The following CLCNKB variants were observed in gnomAD, a reference collection of about 807,000 sequenced individuals.
The protein encoded by CLCNKB is chloride channel protein ClC-Kb.
A neutral mutation model predicts 83.8 loss-of-function variants in CLCNKB; 74 were observed. The observed-to-expected ratio is 0.88, with a 90% CI of 0.73 to 1.07. The LOEUF is 1.07. Among genes scored for constraint, CLCNKB ranks in the 50% least tolerant of loss-of-function variants. The probability of loss-of-function intolerance (pLI) is 0.00; values close to 1 mark genes in which losing one functional copy is unlikely to be tolerated. For missense variants in CLCNKB, 798 were observed against 893.6 expected (o/e 0.89, Z 1.36); for synonymous variants, 358 against 356.6 (o/e 1.00, Z -0.04).
chr1:16,050,737 G>C (rs935036505), intron 11 of CLCNKB, 137 bp downstream of exon 11: 7 of 1,488,612 alleles, frequency 4.7e-6, no homozygotes, highest in Middle Eastern at 1.7e-4. Flanking sequence ...CTACAGCTTC[G>C]GGAGGTCAGA....
In CLCNKB at chr1:16,049,621, C is replaced by T; in HGVS notation, c.785C>T (p.Thr262Ile). The T allele has an allele frequency of 1.2e-6, 2 of 1,602,954 alleles. No individual in the cohort carries two copies. Among genetic ancestry groups the T allele is most frequent in the Non-Finnish European group, 1.7e-6 (2 of 1,172,946 alleles). The stretch of plus-strand genomic sequence containing the variant: ...CCCCACTGCCCTCCTTCCCCAGAGA[C>T]CATCACCTCCCTCTACAAGACCAGT... ...LLAVFNSEQE[T>I]ITSLYKTSFR... The change falls in exon 9 of 20, where the codon ACC (threonine) becomes ATC (isoleucine). Residue 262 changes from threonine (T) to isoleucine (I), a missense_variant. Transcript: ENST00000375679.
At position 16,057,089 on chromosome 1, in the gene CLCNKB, G is replaced by T; in HGVS notation, c.*173G>T. ...AGAAGAGGATGGCTCATCCTGGGTG[G>T]GACGATGGCTCCTGCCTTGAAAGAC... On this transcript the variant is annotated 3_prime_UTR_variant, in exon 20 of 20. Transcript: ENST00000375679. The T allele has an allele frequency of 1.4e-6, 1 of 715,936 alleles. No individual in the cohort carries two copies. Among genetic ancestry groups the T allele is most frequent in the Non-Finnish European group, 2.6e-6 (1 of 391,318 alleles). The allele number at this position is 715,936 out of a possible 1,614,324, so 44.3% of individuals were successfully genotyped here. A position where few individuals can be genotyped will look rare whatever the true frequency, so the allele number is the denominator to read the frequency against.
chr1:16,048,601 C>A lies in CLCNKB; in HGVS notation c.655+19C>A. On this transcript the variant is annotated intron_variant, in intron 7 of 19. Coordinates refer to ENST00000375679, the MANE Select transcript of CLCNKB (RefSeq NM_000085.5). ...TTCAGCGGTGAGACCCCTTCATGCC[C>A]CGCCCCCTGGGTCCCTCAAGCTCCT... 1 of 1,612,882 alleles carries A rather than the reference C, an allele frequency of 6.2e-7. No individual in the cohort carries two copies. Among genetic ancestry groups the A allele is most frequent in the Non-Finnish European group, 8.5e-7 (1 of 1,179,410 alleles).
chr1:16,053,799 T>C (rs1338790212), intron 16 of CLCNKB, 27 bp downstream of exon 16: 6 of 1,613,260 alleles, frequency 3.7e-6, no homozygotes, highest in Middle Eastern at 1.7e-4. Context: ...GAGGAGGAAG[T>C]CGGGGGTAGG....
At chr1:16,044,619 C>A in intron 2 of CLCNKB, 27 bp downstream of exon 2, 4 of 1,540,940 alleles carry the variant, frequency 2.6e-6, no homozygotes, top group Non-Finnish European at 3.5e-6. Context: ...CTTCCCTTCC[C>A]CCTGGAGGAC....
At position 16,056,913 on chromosome 1, in the gene CLCNKB, G is replaced by C; in HGVS notation, c.2061G>C (p.Lys687Asn). The C allele has an allele frequency of 6.3e-7, 1 of 1,589,126 alleles. No individual in the cohort carries two copies. Among genetic ancestry groups the C allele is most frequent in the Non-Finnish European group, 8.6e-7 (1 of 1,168,478 alleles). ...ACCTGACAAATCCGCCAGCCCCAAAGTGAGCCGGCCCAGCAAGATGAAACA... is the reference window on the plus strand; with the variant it reads ...ACCTGACAAATCCGCCAGCCCCAAACTGAGCCGGCCCAGCAAGATGAAACA... ...ISNLTNPPAP[K>N] The change falls in exon 20 of 20, where the codon AAG becomes AAC. Residue 687 changes from lysine to asparagine, a missense_variant. By Grantham distance (94) the Lys-to-Asn change is moderately conservative (BLOSUM62 0). Transcript: ENST00000375679.
intron 13 of CLCNKB, 37 bp from the exon 14 acceptor site, chr1:16,051,673 T>G (rs747256195): frequency 3.1e-6 from 5 of 1,604,724 alleles, no homozygotes; most frequent in Non-Finnish European, 4.3e-6. Context: ...GGGGGCCGGG[T>G]CAGCCTGGCT....
In CLCNKB at chr1:16,052,279, A is replaced by G. The variant is rs764203832; in HGVS notation, c.1490A>G (p.His497Arg). 26 of 1,613,218 alleles carry G rather than the reference A, an allele frequency of 1.6e-5. No homozygotes were observed. The highest frequency in any genetic ancestry group is 1.9e-5 in the Non-Finnish European group (23 of 1,180,052). ...TTCGAGGTGACCGGCCAGATAGTGC[A>G]TGCACTGCCCGTGCTGATGGCGGTG... ...LAFEVTGQIV[H>R]ALPVLMAVLA... Residue 497 changes from histidine (H) to arginine (R), a missense_variant, in exon 15 of 20, where the codon CAT (histidine) becomes CGT (arginine). Physicochemically the swap from His to Arg is conservative, Grantham distance 29. Transcript: ENST00000375679.
In CLCNKB at chr1:16,049,952, G is replaced by A. The variant is rs111245746; in HGVS notation, c.968+36G>A. On this transcript the variant is annotated intron_variant, in intron 10 of 19. Transcript: ENST00000375679. ...GGCTAAGGGCTGGGGACCTCTCAGC[G>A]AGCTCCCCCCTCACCGTACTCCCAA... 10,802 of 1,181,668 alleles carry A rather than the reference G, an allele frequency of 9.1e-3. 676 individuals carry two copies. The African/African-American group carries it at 0.17, about 18-fold the overall frequency. 73.2% of individuals were successfully genotyped at this position (1,181,668 alleles called of 1,614,324 possible).
rs551946850 is a variant in CLCNKB, at chr1:16,045,591, G to A, written c.134G>A (p.Arg45His). The A allele has an allele frequency of 2.1e-5, 34 of 1,613,866 alleles. No individual in the cohort carries two copies. The East Asian group carries it at 2.2e-4, about 11-fold the overall frequency. ...GLEWLKQKLF[R>H]LGEDWYFLMT... ...GAGTGGCTGAAGCAGAAGCTCTTCC[G>A]CCTGGGCGAGGACTGGTACTTCCTG... Residue 45 changes from arginine to histidine, a missense_variant, in exon 3 of 20, where the codon CGC becomes CAC. Transcript: ENST00000375679.
intron 10 of CLCNKB, 76 bp downstream of exon 10, chr1:16,049,992 C>T (rs1485899912): frequency 2.4e-6 from 3 of 1,275,250 alleles, no homozygotes; most frequent in Admixed American, 3.4e-5. Context: ...ATGTAGAAAG[C>T]TCTACCCGCC....
Position 16,050,946 on chromosome 1 carries a change from C to A in CLCNKB, c.1125C>A (p.Ser375Arg), listed in dbSNP as rs777345240. Reference protein sequence around the residue: ...HSWALMTQNSSPPWPEELDPQ... With the variant: ...HSWALMTQNSRPPWPEELDPQ... ...GGGCGCTGATGACCCAGAACTCCAGCCCACCCTGGCCCGAGGAGCTCGACC... is the reference window on the plus strand; with the variant it reads ...GGGCGCTGATGACCCAGAACTCCAGACCACCCTGGCCCGAGGAGCTCGACC... Residue 375 changes from serine to arginine, a missense_variant, in exon 12 of 20, where the codon AGC (serine) becomes AGA (arginine). By Grantham distance (110) the Ser-to-Arg change is moderately radical. Coordinates refer to ENST00000375679, the MANE Select transcript of CLCNKB (RefSeq NM_000085.5). 6.2e-7 allele frequency: 1 copy of A among 1,613,598 alleles called. No individual in the cohort carries two copies. Among genetic ancestry groups the A allele is most frequent in the Non-Finnish European group, 8.5e-7 (1 of 1,179,940 alleles).
intron 18 of CLCNKB, among the ~76,000 whole-genome samples, chr1:16,056,143 G>A (rs1242839565): frequency 1.3e-5 from 2 of 152,222 alleles, no homozygotes; most frequent in African/African-American, 4.8e-5. Flanking sequence ...GGGTTGGGGA[G>A]GGGCAGAGGC....
chr1:16,050,570 A>G lies in CLCNKB; in HGVS notation c.1023A>G (p.Pro341=), dbSNP rs1239122402. 2 of 1,613,056 alleles carry G rather than the reference A, an allele frequency of 1.2e-6. No individual in the cohort carries two copies. Among genetic ancestry groups the G allele is most frequent in the Non-Finnish European group, 1.7e-6 (2 of 1,179,722 alleles). Residue 341 remains proline, a synonymous_variant, in exon 11 of 20, where the codon CCA becomes CCG. Coordinates refer to ENST00000375679, the MANE Select transcript of CLCNKB (RefSeq NM_000085.5). ...ATLVLASITY[P]PSAGRFLASR... ...TGGTTCTCGCCTCCATCACCTACCC[A>G]CCCAGCGCCGGCCGCTTCCTAGCTT...
chr1:16,053,621 G>A lies in CLCNKB; in HGVS notation c.1623-18G>A. 1 of 1,613,762 alleles carries A rather than the reference G, an allele frequency of 6.2e-7. No individual in the cohort carries two copies. The highest frequency in any genetic ancestry group is 8.5e-7 in the Non-Finnish European group (1 of 1,180,028). ...CATCCCTGACTGTGGGGCCTGATGG[G>A]AGCCCCTCTGCCTGCAGTTCCCACC... On this transcript the variant is annotated intron_variant, in intron 15 of 19. Coordinates refer to ENST00000375679, the MANE Select transcript of CLCNKB (RefSeq NM_000085.5).
chr1:16,052,085 G>T, intron 14 of CLCNKB, 113 bp from the exon 15 acceptor site: 1 of 1,363,374 alleles, frequency 7.3e-7, no homozygotes, highest in Non-Finnish European at 1.0e-6. Flanking sequence ...CAGTGCCCAG[G>T]CTGTGGCCTC....
intron 11 of CLCNKB, 22 bp from the exon 12 acceptor site, chr1:16,050,853 G>A: frequency 6.2e-7 from 1 of 1,611,054 alleles, no homozygotes; most frequent in Non-Finnish European, 8.5e-7. Context: ...CTCATGTCCA[G>A]TTCCCACCTG....
At position 16,050,583 on chromosome 1, in the gene CLCNKB, C is replaced by A; in HGVS notation, c.1036C>A (p.Arg346Ser). The stretch of plus-strand genomic sequence containing the variant: ...CATCACCTACCCACCCAGCGCCGGC[C>A]GCTTCCTAGCTTCTCGGGTAAGGGG... ...ASITYPPSAG[R>S]FLASRLSMKQ... The change falls in exon 11 of 20, where the codon CGC (arginine) becomes AGC (serine). Residue 346 changes from arginine (R) to serine (S), a missense_variant. Transcript: ENST00000375679. 1 of 1,614,088 alleles carries A rather than the reference C, an allele frequency of 6.2e-7. No individual in the cohort carries two copies. The highest frequency in any genetic ancestry group is 8.5e-7 in the Non-Finnish European group (1 of 1,179,996).
chr1:16,047,121 G>T (rs111496009), intron 4 of CLCNKB, among the ~76,000 whole-genome samples: 3,289 of 152,250 alleles, frequency 0.022, 62 homozygotes, highest in Non-Finnish European at 0.029. Flanking sequence ...TGTGATGCTC[G>T]GTGTCCAAAT....
Sources: gnomAD v4.1 joint callset for allele counts (sites outside exome capture counted in the v4.1 genomes callset) on GRCh38, gnomAD v4.1.1 for gene constraint, MANE v1.5 for transcripts, NCBI Gene and HGNC (gene_info 2026-07-23, HGNC 2026-07-21) for gene names.